The following FREM1 variants were observed in gnomAD, a reference collection of about 807,000 sequenced individuals.
FREM1 encodes the protein FRAS1 related extracellular matrix 1.
FREM1 carries 220 observed loss-of-function variants against 210.1 expected under a neutral mutation model. That is an observed-to-expected ratio of 1.05 (90% confidence interval 0.94 to 1.17). FREM1 has a LOEUF of 1.17. Among genes scored for constraint, FREM1 ranks in the 50% most tolerant of loss-of-function variants. FREM1 has a pLI of 0.00. For synonymous variants in FREM1, 1,189 were observed against 980.2 expected (o/e 1.21, Z -3.98); for missense variants, 3,454 against 2,675.5 (o/e 1.29, Z -6.42).
chr9:14,749,401 G>A (rs10117544), intron 30 of FREM1, among the ~76,000 whole-genome samples: 146,745 of 151,974 alleles, frequency 0.97, 70,778 homozygotes, highest in East Asian at 1. Flanking sequence ...AGAAGAGAAG[G>A]GAATAGATTC....
intron 35 of FREM1, among the ~76,000 whole-genome samples, chr9:14,745,632 G>A (rs564296824): frequency 1.3e-5 from 2 of 152,268 alleles, no homozygotes; most frequent in Admixed American, 6.5e-5. Context: ...TGAAGTACGA[G>A]ATCAGATCAA....
rs1413107092 is a variant in FREM1, at chr9:14,759,861, C to T, written c.5245G>A (p.Glu1749Lys). 3.7e-6 allele frequency: 6 copies of T among 1,610,382 alleles called. No individual in the cohort carries two copies. The highest frequency in any genetic ancestry group is 2.7e-5 in the African/African-American group (2 of 74,862). The change falls in exon 28 of 37, where the codon GAA (glutamate) becomes AAA (lysine). Residue 1749 changes from glutamate (E) to lysine (K), a missense_variant. By Grantham distance (56) the Glu-to-Lys change is moderately conservative. Transcript: ENST00000380880. Reference protein sequence around the residue: ...KWSHIEWSQTEYEVCENVGLL... With the variant: ...KWSHIEWSQTKYEVCENVGLL... ...CCCACATTCTCACAGACTTCATATTCGGTCTGTGACCATTCAATATGAGAC... is the reference window on the plus strand; with the variant it reads ...CCCACATTCTCACAGACTTCATATTTGGTCTGTGACCATTCAATATGAGAC...
chr9:14,845,854 T>G, intron 8 of FREM1, 106 bp downstream of exon 8: 1 of 1,138,666 alleles, frequency 8.8e-7, no homozygotes, highest in Non-Finnish European at 1.3e-6. Flanking sequence ...GACAATTTCA[T>G]TGAGAAATTG....
In FREM1 at chr9:14,784,637, A is replaced by G. The variant is rs760803630; in HGVS notation, c.4178-3T>C. ...TTTTGTAAGGATGACAATATCACCT[A>G]CATGACATAAGAGGTTATGGTCAAT... On this transcript the variant is annotated splice_polypyrimidine_tract_variant and splice_region_variant and intron_variant, in intron 23 of 36. Coordinates refer to ENST00000380880, the MANE Select transcript of FREM1 (RefSeq NM_001379081.2). 9.7e-6 allele frequency: 15 copies of G among 1,554,262 alleles called. No individual in the cohort carries two copies. Among genetic ancestry groups the G allele is most frequent in the Non-Finnish European group, 1.3e-5 (15 of 1,146,900 alleles).
intron 25 of FREM1, chr9:14,774,202 G>C (rs551245318): frequency 2.0e-5 from 10 of 510,742 alleles, no homozygotes; most frequent in South Asian, 1.3e-4. Flanking sequence ...ATAAGAGTCT[G>C]TGAGGCTTCA....
intron 10 of FREM1, 22 bp downstream of exon 10, chr9:14,841,424 AG>A (rs1193882954): frequency 7.7e-6 from 12 of 1,555,600 alleles, no homozygotes; most frequent in Non-Finnish European, 9.6e-6. Context: ...ACTTTGGGAA[AG>A]TGTTCAGAAA....
At chr9:14,874,539 T>G (rs1833331547) in intron 1 of FREM1, among the ~76,000 whole-genome samples, 1 of 150,692 alleles carries the variant, frequency 6.6e-6, no homozygotes, top group African/African-American at 2.5e-5. Flanking sequence ...CCTCCATCCT[T>G]TTATTTTGAG....
chr9:14,857,568 G>T lies in FREM1; in HGVS notation c.813C>A (p.Ser271Arg), dbSNP rs1829013362. 1.2e-6 allele frequency: 2 copies of T among 1,613,286 alleles called. No individual in the cohort carries two copies. The highest frequency in any genetic ancestry group is 1.7e-6 in the Non-Finnish European group (2 of 1,179,610). Residue 271 changes from serine (S) to arginine (R), a missense_variant, in exon 5 of 37, where the codon AGC (serine) becomes AGA (arginine). By Grantham distance (110) the Ser-to-Arg change is moderately radical. Transcript: ENST00000380880. ...SIQLDLTDTRSKIVYKSESAW... is the reference protein window; with the variant it reads ...SIQLDLTDTRRKIVYKSESAW... ...CAAACTCTACCTTGTACACAATTTT[G>T]CTCCTGGTATCTGTGAGGTCCAGTT...
Position 14,890,356 on chromosome 9 carries a change from T to C in FREM1, c.-268+19558A>G, listed in dbSNP as rs1218727228. Among the ~76,000 whole-genome samples the C allele has an allele frequency of 5.3e-5, 8 of 152,200 alleles. No individual in the cohort carries two copies. In the East Asian group the frequency reaches 1.5e-3, roughly 29 times the overall value. On this transcript the variant is annotated intron_variant, in intron 1 of 36. Transcript: ENST00000380880. ...AACTGTGCTTGTGAAAATGAATATT[T>C]TGGAGACGTTAAAAGCTTGCCACAA...
rs550160066 is a variant in FREM1, at chr9:14,742,294, C to A, written c.6255-2060G>T. On this transcript the variant is annotated intron_variant, in intron 35 of 36. Coordinates refer to ENST00000380880, the MANE Select transcript of FREM1 (RefSeq NM_001379081.2). ...AGTATAGGTAGACTTCAGGGTAACT[C>A]TAAGGATAGGCCAGCAGGGGTTCCA... Among the ~76,000 whole-genome samples the A allele has an allele frequency of 1.1e-4, 17 of 152,184 alleles. No individual in the cohort carries two copies. The South Asian group carries it at 1.2e-3, about 11-fold the overall frequency.
Position 14,792,849 on chromosome 9 carries a change from C to G in FREM1, c.3875G>C (p.Arg1292Pro). The G allele has an allele frequency of 6.3e-7, 1 of 1,593,694 alleles. No individual in the cohort carries two copies. Among genetic ancestry groups the G allele is most frequent in the South Asian group, 1.1e-5 (1 of 87,720 alleles). ...AEIAMNMGET[R>P]IISSAILSAI... is the part of the protein sequence containing the mutation. ...TGAAAGAATAGCACTGGAAATAATA[C>G]GAGTTTCACCCATATTCATTGCAAT... Residue 1292 changes from arginine to proline, a missense_variant, in exon 22 of 37, where the codon CGT becomes CCT. Coordinates refer to ENST00000380880, the MANE Select transcript of FREM1 (RefSeq NM_001379081.2).
At chr9:14,828,338 C>T (rs570738001) in intron 10 of FREM1, among the ~76,000 whole-genome samples, 1 of 152,262 alleles carries the variant, frequency 6.6e-6, no homozygotes, top group African/African-American at 2.4e-5. Context: ...AGTTTTGGAT[C>T]CTTTCTTCTT....
At chr9:14,840,115 T>C (rs1825392216) in intron 10 of FREM1, among the ~76,000 whole-genome samples, 1 of 152,206 alleles carries the variant, frequency 6.6e-6, no homozygotes, top group Non-Finnish European at 1.5e-5. Flanking sequence ...GTTATACTCT[T>C]CTTAGCACAC....
intron 4 of FREM1, among the ~76,000 whole-genome samples, chr9:14,858,197 A>G (rs1477322046): frequency 1.3e-5 from 2 of 152,152 alleles, no homozygotes; most frequent in Non-Finnish European, 2.9e-5. Context: ...GTATCCTTCC[A>G]GGTCCACCTG....
chr9:14,758,310 T>C (rs1165936522), intron 28 of FREM1, among the ~76,000 whole-genome samples: 1 of 152,210 alleles, frequency 6.6e-6, no homozygotes, highest in Non-Finnish European at 1.5e-5. Flanking sequence ...ATGCCTCTTC[T>C]TTCTACCTGG....
intron 4 of FREM1, 27 bp downstream of exon 4, chr9:14,859,156 C>T (rs773007443): frequency 7.3e-6 from 11 of 1,514,180 alleles, no homozygotes; most frequent in East Asian, 4.6e-5. Flanking sequence ...TTGGTAATAC[C>T]CAGAAAGGCA....
chr9:14,782,202 C>A (rs1047456639), intron 24 of FREM1, among the ~76,000 whole-genome samples: 2 of 152,226 alleles, frequency 1.3e-5, no homozygotes, highest in African/African-American at 4.8e-5. Flanking sequence ...GTAGTTCTCT[C>A]TGGCAATTAT....
intron 1 of FREM1, among the ~76,000 whole-genome samples, chr9:14,870,782 C>T (rs1385773962): frequency 6.7e-6 from 1 of 150,022 alleles, no homozygotes; most frequent in Non-Finnish European, 1.5e-5. Flanking sequence ...TTAGGTATAT[C>T]TCCTAATGCT....
chr9:14,761,301 AG>A, intron 27 of FREM1, among the ~76,000 whole-genome samples: 1 of 152,192 alleles, frequency 6.6e-6, no homozygotes, highest in African/African-American at 2.4e-5. Context: ...ATCATGGGCT[AG>A]GGGGCAAGGG....
Sources: gnomAD v4.1 joint callset for allele counts (sites outside exome capture counted in the v4.1 genomes callset) on GRCh38, gnomAD v4.1.1 for gene constraint, MANE v1.5 for transcripts, NCBI Gene and HGNC (gene_info 2026-07-23, HGNC 2026-07-21) for gene names.